Variants in NME7 observed in about 807,000 individuals in gnomAD.
NME7 encodes the protein NME/NM23 family member 7, also known as nucleoside diphosphate kinase 7.
NME7 carries 41 observed loss-of-function variants against 49.1 expected under a neutral mutation model. That is an observed-to-expected ratio of 0.83 (90% CI 0.65 to 1.08). The LOEUF (loss-of-function observed/expected upper bound fraction) is 1.08. Ranked by LOEUF, NME7 falls within the 50% of genes least tolerant of loss-of-function variation. NME7 has a pLI of 0.00. For missense variants in NME7, 423 were observed against 463.4 expected (o/e 0.91, Z 0.80); for synonymous variants, 139 against 150.6 (o/e 0.92, Z 0.56).
At chr1:169,271,827 T>C (rs1056998115) in intron 7 of NME7, among the ~76,000 whole-genome samples, 1 of 132,834 alleles carries the variant, frequency 7.5e-6, no homozygotes, top group African/African-American at 2.5e-5. Flanking sequence ...AATATATTAA[T>C]ACCAGGAGAT....
At chr1:169,242,762 A>G (rs1648145241) in intron 7 of NME7, among the ~76,000 whole-genome samples, 2 of 151,370 alleles carry the variant, frequency 1.3e-5, no homozygotes, top group Admixed American at 1.3e-4. Flanking sequence ...TTGTATTTCT[A>G]CACACTGGCA....
At chr1:169,198,571 C>T (rs1216382830) in intron 10 of NME7, among the ~76,000 whole-genome samples, 2 of 151,968 alleles carry the variant, frequency 1.3e-5, no homozygotes, top group African/African-American at 2.4e-5. Context: ...TGTGGATGAA[C>T]CTTAAAAATA....
intron 10 of NME7, among the ~76,000 whole-genome samples, chr1:169,210,599 C>T (rs925318648): frequency 2.6e-5 from 4 of 152,008 alleles, no homozygotes; most frequent in African/African-American, 2.4e-5. Context: ...AATACACACA[C>T]ACACACACAC....
At chr1:169,147,969 A>T (rs945117311) in intron 11 of NME7, among the ~76,000 whole-genome samples, 1 of 151,390 alleles carries the variant, frequency 6.6e-6, no homozygotes, top group East Asian at 2.0e-4. Flanking sequence ...AAATAATTTC[A>T]ATTTCTTGAA....
chr1:169,263,648 T>C (rs1164494735), intron 7 of NME7, among the ~76,000 whole-genome samples: 2 of 132,762 alleles, frequency 1.5e-5, no homozygotes, highest in African/African-American at 5.1e-5. Context: ...CTGAAAGAAA[T>C]GGGAAGAAAG....
rs1652083257 is a variant in NME7 at position 169,326,956 on chromosome 1, G to A, written c.4-2456C>T. On this transcript the variant is annotated intron_variant, in intron 1 of 11. Coordinates refer to ENST00000367811, the MANE Select transcript of NME7 (RefSeq NM_013330.5). ...AGGAACTTGGTTTCCTTCCTCAAAT[G>A]CTATTAAAGCTATATATCATTTTGT... Among the ~76,000 whole-genome samples the A allele has an allele frequency of 2.6e-5, 4 of 152,238 alleles. No homozygotes were observed. The South Asian group carries it at 8.3e-4, about 32-fold the overall frequency.
At chr1:169,245,614 C>T (rs1173265919) in intron 7 of NME7, among the ~76,000 whole-genome samples, 1 of 152,104 alleles carries the variant, frequency 6.6e-6, no homozygotes, top group East Asian at 1.9e-4. Flanking sequence ...CTAAAATAGA[C>T]ATGTTTAATA....
Position 169,257,128 on chromosome 1 carries a change from C to G in NME7, c.755-19441G>C, listed in dbSNP as rs1299959824. On this transcript the variant is annotated intron_variant, in intron 7 of 11. Coordinates refer to ENST00000367811, the MANE Select transcript of NME7 (RefSeq NM_013330.5). ...TTCCTGGCTGCTTTGTTTACCTAAT[C>G]AAGCCTGAGCAATGGCGGGCGCCCC... Among the ~76,000 whole-genome samples, 4 of 135,204 alleles carry G rather than the reference C, an allele frequency of 3.0e-5. 1 individual carries two copies. Among genetic ancestry groups the G allele is most frequent in the African/African-American group, 1.0e-4 (4 of 39,888 alleles). 88.7% of individuals were successfully genotyped at this position (135,204 alleles called of 152,430 possible). A position where few individuals can be genotyped will look rare whatever the true frequency, so the allele number is the denominator to read the frequency against.
intron 11 of NME7, among the ~76,000 whole-genome samples, 153 bp from the exon 12 acceptor site, chr1:169,132,970 A>T (rs1658285680): frequency 6.6e-6 from 1 of 152,226 alleles, no homozygotes; most frequent in Non-Finnish European, 1.5e-5. Flanking sequence ...CAGAGAATCG[A>T]TGAAGCTCCA....
At chr1:169,324,668 G>A (rs1289966760) in intron 1 of NME7, among the ~76,000 whole-genome samples, 168 bp from the exon 2 acceptor site, 1 of 152,148 alleles carries the variant, frequency 6.6e-6, no homozygotes, top group Non-Finnish European at 1.5e-5. Context: ...CACACCCTCA[G>A]CAATATTTCC....
intron 7 of NME7, chr1:169,286,045 G>A (rs1266306356): frequency 6.6e-6 from 1 of 152,002 alleles, no homozygotes; most frequent in Non-Finnish European, 1.5e-5. Flanking sequence ...CTATACAATT[G>A]CTGTTAAATA....
intron 1 of NME7, among the ~76,000 whole-genome samples, chr1:169,337,115 A>G (rs1416797929): frequency 6.6e-6 from 1 of 152,198 alleles, no homozygotes; most frequent in Non-Finnish European, 1.5e-5. Context: ...ACTGGGCGCC[A>G]TGGAGCAGGG....
intron 1 of NME7, among the ~76,000 whole-genome samples, chr1:169,334,782 C>CTA (rs1213582656): frequency 2.0e-5 from 3 of 151,994 alleles, no homozygotes; most frequent in Admixed American, 6.6e-5. Flanking sequence ...AACAGGCAAC[C>CTA]TATAGAATGG....
chr1:169,167,078 G>T (rs971594613), intron 11 of NME7, among the ~76,000 whole-genome samples: 4 of 152,118 alleles, frequency 2.6e-5, no homozygotes, highest in African/African-American at 9.7e-5. Flanking sequence ...TATTTTGCTG[G>T]TACAGATCAA....
chr1:169,215,164 G>A (rs922030958), intron 10 of NME7, among the ~76,000 whole-genome samples: 7 of 152,036 alleles, frequency 4.6e-5, no homozygotes, highest in African/African-American at 1.7e-4. Flanking sequence ...CCTGAAGTCA[G>A]GTTGCCTCTC....
At chr1:169,350,732 G>A (rs2101975195) in intron 1 of NME7, among the ~76,000 whole-genome samples, 1 of 152,160 alleles carries the variant, frequency 6.6e-6, no homozygotes, top group South Asian at 2.1e-4. Context: ...AGTGATGTGA[G>A]CACTTACTGA....
At chr1:169,199,776 G>C (rs926330519) in intron 10 of NME7, among the ~76,000 whole-genome samples, 2 of 152,064 alleles carry the variant, frequency 1.3e-5, no homozygotes, top group South Asian at 4.2e-4. Context: ...TTCACCAAAA[G>C]TACTAAAAGT....
chr1:169,224,056 A>G (rs1433153724), intron 10 of NME7, among the ~76,000 whole-genome samples: 1 of 152,134 alleles, frequency 6.6e-6, no homozygotes, highest in Admixed American at 6.5e-5. Flanking sequence ...CATATCTGTC[A>G]TCATCTATTC....
chr1:169,149,864 C>T (rs1328637678), intron 11 of NME7, among the ~76,000 whole-genome samples: 1 of 152,144 alleles, frequency 6.6e-6, no homozygotes, highest in Non-Finnish European at 1.5e-5. Flanking sequence ...CAATGGAAAG[C>T]AAAACTGTGG....
Sources: allele counts gnomAD v4.1 joint callset (sites outside exome capture counted in the v4.1 genomes callset), GRCh38; gene constraint gnomAD v4.1.1; transcripts MANE v1.5; gene names NCBI Gene and HGNC (gene_info 2026-07-23, HGNC 2026-07-21).